The following MOV10L1 variants were observed in gnomAD, a reference collection of about 807,000 sequenced individuals.
The protein encoded by MOV10L1 is Mov10 like RNA helicase 1.
A neutral mutation model predicts 143.8 loss-of-function variants in MOV10L1; 110 were observed. The ratio of observed to expected loss-of-function variants is 0.76; its 90% CI spans 0.66 to 0.90. The LOEUF is 0.90. Among genes scored for constraint, MOV10L1 ranks in the 40% least tolerant of loss-of-function variants. The pLI is 0.00. For synonymous variants in MOV10L1, 593 were observed against 581.1 expected, an observed-to-expected ratio of 1.02 and a Z score of -0.29; for missense variants, 1,406 against 1,526.8, an observed-to-expected ratio of 0.92 and a Z score of 1.32.
chr22:50,110,888 G>GC (rs1330068889), intron 5 of MOV10L1, among the ~76,000 whole-genome samples: 2 of 151,962 alleles, frequency 1.3e-5, no homozygotes, highest in Non-Finnish European at 2.9e-5. Context: ...CAGAGATCAC[G>GC]CCACTGCACT....
chr22:50,113,583 C>T lies in MOV10L1; in HGVS notation c.744-65C>T, dbSNP rs77297773. 1.5e-4 allele frequency: 237 copies of T among 1,574,754 alleles called. 2 individuals are homozygous for T. The East Asian group carries it at 4.4e-3, about 29-fold the overall frequency. ...CCCACCAGCAGTCTATCCTCAGGAG[C>T]GGAGGCAGGCGAGGAAGGGGTGGTG... On this transcript the variant is annotated intron_variant, in intron 5 of 26. Transcript: ENST00000262794.
At chr22:50,108,944 A>G in intron 5 of MOV10L1, 100 bp downstream of exon 5, 1 of 1,179,490 alleles carries the variant, frequency 8.5e-7, no homozygotes, top group Non-Finnish European at 1.2e-6. Context: ...TGGGAGTTCA[A>G]GACCAGCCTG....
intron 8 of MOV10L1, 62 bp downstream of exon 8, chr22:50,115,308 G>A (rs2062141431): frequency 1.4e-6 from 2 of 1,427,456 alleles, no homozygotes; most frequent in African/African-American, 1.5e-5. Context: ...TTCTAGGTTG[G>A]GTGTTATAAA....
chr22:50,113,587 G>A (rs1233135245), intron 5 of MOV10L1, 61 bp from the exon 6 acceptor site: 2 of 1,582,388 alleles, frequency 1.3e-6, no homozygotes, highest in Admixed American at 1.8e-5. Context: ...CAGGAGCGGA[G>A]GCAGGCGAGG....
At chr22:50,120,746 A>C in intron 10 of MOV10L1, 130 bp downstream of exon 10, 2 of 683,682 alleles carry the variant, frequency 2.9e-6, no homozygotes, top group Non-Finnish European at 5.1e-6. Context: ...AGCTGGGATA[A>C]CGAGGGTCAC....
At chr22:50,092,425 G>C (rs999034733) in intron 2 of MOV10L1, among the ~76,000 whole-genome samples, 1 of 152,060 alleles carries the variant, frequency 6.6e-6, no homozygotes, top group Non-Finnish European at 1.5e-5. Context: ...GAGCTCAGGT[G>C]TTAAGAGACC....
intron 3 of MOV10L1, 91 bp downstream of exon 3, chr22:50,099,693 A>ATCCCAGCAC: frequency 7.0e-7 from 1 of 1,419,766 alleles, no homozygotes; most frequent in Non-Finnish European, 9.6e-7. Flanking sequence ...CATGCCTATA[A>ATCCCAGCAC]TCCCAGCACT....
chr22:50,141,937 A>T, intron 15 of MOV10L1, 144 bp from the exon 16 acceptor site: 2 of 429,246 alleles, frequency 4.7e-6, no homozygotes, highest in Non-Finnish European at 3.9e-6. Flanking sequence ...TTTATTTTTC[A>T]AAGGGTCTGA....
intron 7 of MOV10L1, 45 bp downstream of exon 7, chr22:50,114,667 G>C (rs749125876): frequency 1.2e-5 from 20 of 1,601,528 alleles, no homozygotes; most frequent in Non-Finnish European, 1.6e-5. Context: ...GGGTGGGCTG[G>C]GGGCCGTGGG....
Position 50,158,147 on chromosome 22 carries a change from A to G in MOV10L1, c.3157A>G (p.Ser1053Gly). The change falls in exon 23 of 27, where the codon AGC (serine) becomes GGC (glycine). Residue 1053 changes from serine (S) to glycine (G), a missense_variant. Around this residue, in one of 3 missense-constraint regions of MOV10L1, gnomAD observed 1,233 missense variants for 1,351.4 expected, o/e 0.91. Transcript: ENST00000262794. The surrounding 1 kb of genome is among the most constrained non-coding windows in gnomAD (Gnocchi z 5.0). ...GCGCTACTGCTGCCTCCTGGCCCAC[A>G]GCATCTCCAGTCAGGTGTCTGCCAG... ...VLRYCCLLAH[S>G]ISSQVSASDI... is the part of the protein sequence containing the mutation. 1 of 1,614,170 alleles carries G rather than the reference A, an allele frequency of 6.2e-7. No individual in the cohort carries two copies.
intron 20 of MOV10L1, among the ~76,000 whole-genome samples, chr22:50,150,022 A>G (rs548895915): frequency 2.0e-5 from 3 of 152,306 alleles, no homozygotes; most frequent in African/African-American, 7.2e-5. Flanking sequence ...GGAGGGGCGG[A>G]CAGGGCCAGT....
chr22:50,099,657 A>G lies in MOV10L1; in HGVS notation c.442+55A>G. 7 of 1,563,936 alleles carry G rather than the reference A, an allele frequency of 4.5e-6. No homozygotes were observed. The South Asian group carries it at 8.1e-5, about 18-fold the overall frequency. ...AAAATTAGGTTTTGTCTTTTAAAGA[A>G]TTGTTATGGACCAGGCACGGTGGCT... On this transcript the variant is annotated intron_variant, in intron 3 of 26. Transcript: ENST00000262794.
chr22:50,157,062 G>A (rs768594532), intron 22 of MOV10L1, among the ~76,000 whole-genome samples: 3 of 152,122 alleles, frequency 2.0e-5, no homozygotes, highest in Non-Finnish European at 4.4e-5. Context: ...TGGGAGTGAG[G>A]TGTAGCTCAC....
chr22:50,161,248 C>A lies in MOV10L1; in HGVS notation c.3555-120C>A, dbSNP rs1460156218. 7.8e-6 allele frequency: 8 copies of A among 1,030,450 alleles called. No individual in the cohort carries two copies. In the Admixed American group the frequency reaches 9.8e-5, roughly 13 times the overall value. 63.8% of individuals were successfully genotyped at this position (1,030,450 alleles called of 1,614,324 possible). ...ACATTTGGGGTCATGTCACCTTTCC[C>A]ACATAGGCTAACAGGGTAAACTAAG... On this transcript the variant is annotated intron_variant, in intron 26 of 26. Coordinates refer to ENST00000262794, the MANE Select transcript of MOV10L1 (RefSeq NM_018995.3).
chr22:50,142,006 A>G, intron 15 of MOV10L1, 75 bp from the exon 16 acceptor site: 1 of 1,167,428 alleles, frequency 8.6e-7, no homozygotes, highest in Non-Finnish European at 1.2e-6. Context: ...CTAGATGTTT[A>G]CGTTTGCTCT....
At position 50,110,800 on chromosome 22, in the gene MOV10L1, G is replaced by A. The variant is rs780699356; in HGVS notation, c.743+1956G>A. Among the ~76,000 whole-genome samples the A allele has an allele frequency of 2.6e-5, 4 of 151,762 alleles. No homozygotes were observed. The South Asian group carries it at 6.2e-4, about 24-fold the overall frequency. The stretch of plus-strand genomic sequence containing the variant: ...CAAAAAATTAGCCAGGCGTGGCAGC[G>A]CACACCCTTAATCCCAGCTACTCTG... On this transcript the variant is annotated intron_variant, in intron 5 of 26. Coordinates refer to ENST00000262794, the MANE Select transcript of MOV10L1 (RefSeq NM_018995.3).
chr22:50,128,352 T>G (rs4838809), intron 12 of MOV10L1, 64 bp from the exon 13 acceptor site: 229,308 of 911,692 alleles, frequency 0.25, 29,937 homozygotes, highest in Admixed American at 0.38. Context: ...TTTGATGATG[T>G]GTCGCTAGAT....
At chr22:50,146,298 T>C (rs1179151711) in intron 19 of MOV10L1, among the ~76,000 whole-genome samples, 1 of 151,928 alleles carries the variant, frequency 6.6e-6, no homozygotes, top group Non-Finnish European at 1.5e-5. Flanking sequence ...GGTCAGACCC[T>C]GGGGGCCATT....
At chr22:50,108,106 C>T in intron 3 of MOV10L1, 30 bp from the exon 4 acceptor site, 2 of 1,600,470 alleles carry the variant, frequency 1.2e-6, no homozygotes, top group Non-Finnish European at 1.7e-6. Context: ...CACTTTAACA[C>T]TACCATGGCT....
Sources: gnomAD v4.1 joint callset for allele counts (sites outside exome capture counted in the v4.1 genomes callset) on GRCh38, gnomAD v4.1.1 for gene constraint, gnomAD v4.1.1 regional missense constraint, Gnocchi (gnomAD v3.1) non-coding constraint, MANE v1.5 for transcripts, NCBI Gene and HGNC (gene_info 2026-07-23, HGNC 2026-07-21) for gene names.